The following ATRX variants were observed in gnomAD, a reference collection of about 807,000 sequenced individuals.
ATRX encodes ATRX chromatin remodeler, also known as chromatin remodeler ATRX.
Under a neutral mutation model 172.6 loss-of-function variants are expected in ATRX, and 12 were observed. The ratio of observed to expected loss-of-function variants is 0.07; its 90% CI spans 0.04 to 0.11. The LOEUF (loss-of-function observed/expected upper bound fraction) is 0.11. Among genes scored for constraint, ATRX ranks in the 10% least tolerant of loss-of-function variants. ATRX has a pLI of 1.00. For missense variants in ATRX, 1,368 were observed against 1,767.4 expected (o/e 0.77, Z 4.05); for synonymous variants, 674 against 594.7 (o/e 1.13, Z -1.94).
chrX:77,664,880 T>C, intron 10 of ATRX, 102 bp from the exon 11 acceptor site: 3 of 812,606 alleles, frequency 3.7e-6, no homozygotes, highest in East Asian at 3.4e-5. Context: ...TAGAAATAAA[T>C]GTGCCAATAG....
intron 10 of ATRX, among the ~76,000 whole-genome samples, chrX:77,669,283 G>A (rs986294656): frequency 1.8e-5 from 2 of 110,718 alleles, no homozygotes; most frequent in Admixed American, 1.9e-4. Flanking sequence ...GTATGCTAAT[G>A]AGTGCCTGGG....
At chrX:77,543,676 G>C (rs1557051942) in intron 30 of ATRX, among the ~76,000 whole-genome samples, 1 of 111,155 alleles carries the variant, frequency 9.0e-6, no homozygotes, top group Non-Finnish European at 1.9e-5. Context: ...GATGAAACTG[G>C]AAACCATCAT....
intron 30 of ATRX, among the ~76,000 whole-genome samples, chrX:77,526,200 G>A (rs1319103736): frequency 1.8e-5 from 2 of 111,746 alleles, no homozygotes; most frequent in Non-Finnish European, 3.8e-5. Flanking sequence ...CTGTTTTATT[G>A]AGATACAGTT....
chrX:77,713,761 T>C (rs1320913766), intron 2 of ATRX, among the ~76,000 whole-genome samples: 2 of 111,708 alleles, frequency 1.8e-5, no homozygotes, highest in African/African-American at 6.5e-5. Flanking sequence ...GAACCCATCA[T>C]AGGAATAAAT....
At chrX:77,785,306 T>C (rs1314175026) in intron 1 of ATRX, among the ~76,000 whole-genome samples, 2 of 110,753 alleles carry the variant, frequency 1.8e-5, no homozygotes, top group African/African-American at 6.6e-5. Flanking sequence ...TCACAAAAAG[T>C]AGTATACTAG....
intron 30 of ATRX, among the ~76,000 whole-genome samples, chrX:77,550,051 T>G (rs1198597439): frequency 8.9e-6 from 1 of 112,289 alleles, no homozygotes; most frequent in Non-Finnish European, 1.9e-5. Flanking sequence ...GATAGCAAAT[T>G]AAGAATCTAA....
intron 1 of ATRX, among the ~76,000 whole-genome samples, chrX:77,744,899 G>A (rs1205299218): frequency 9.1e-6 from 1 of 109,818 alleles, no homozygotes; most frequent in Non-Finnish European, 1.9e-5. Context: ...GGGAGGCTAA[G>A]GCAGGAGAAT....
At chrX:77,634,232 T>TAAAAAAAA (rs144290953) in intron 17 of ATRX, among the ~76,000 whole-genome samples, 5 of 54,067 alleles carry the variant, frequency 9.2e-5, no homozygotes, top group Admixed American at 2.8e-4. Context: ...TTAAAAGTTG[T>TAAAAAAAA]AAAAAAAAAA....
chrX:77,718,368 CTTTTTTT>C (rs543544690), intron 1 of ATRX, among the ~76,000 whole-genome samples: 1 of 89,396 alleles, frequency 1.1e-5, no homozygotes, highest in Non-Finnish European at 2.2e-5. Flanking sequence ...AGCATCAACT[CTTTTTTT>C]TTTTTTTTTT....
At chrX:77,583,769 A>G (rs1393829937) in intron 27 of ATRX, among the ~76,000 whole-genome samples, 1 of 111,795 alleles carries the variant, frequency 8.9e-6, no homozygotes, top group East Asian at 2.8e-4. Flanking sequence ...CACTTATTCA[A>G]CATAGTAGTG....
chrX:77,538,618 T>C (rs1189042189), intron 30 of ATRX, among the ~76,000 whole-genome samples: 1 of 111,580 alleles, frequency 9.0e-6, no homozygotes, highest in Non-Finnish European at 1.9e-5. Flanking sequence ...CCTAAATCTA[T>C]AAAAATAAAG....
chrX:77,600,425 C>T lies in ATRX; in HGVS notation c.5697+9G>A, dbSNP rs781963603. The T allele has an allele frequency of 1.2e-5, 15 of 1,209,294 alleles. No homozygotes were observed. The highest frequency in any genetic ancestry group is 1.2e-4 in the East Asian group (4 of 33,659). ...AATAGATGCTTTTAAACTAAGTTAC[C>T]TGACTTACCTTATTTTCTTTGCTAA... On this transcript the variant is annotated intron_variant, in intron 23 of 34. Coordinates refer to ENST00000373344, the MANE Select transcript of ATRX (RefSeq NM_000489.6).
intron 9 of ATRX, among the ~76,000 whole-genome samples, chrX:77,677,073 G>A (rs868939767): frequency 6.4e-4 from 68 of 106,127 alleles, no homozygotes; most frequent in South Asian, 4.2e-4. Context: ...AGTAAGCCAA[G>A]ATCGCACCAC....
In ATRX at chrX:77,741,624, G is replaced by A. The variant is rs373088332; in HGVS notation, c.21-24381C>T. On this transcript the variant is annotated intron_variant, in intron 1 of 34. Transcript: ENST00000373344. The stretch of plus-strand genomic sequence containing the variant: ...CTACAGGTGCGCGCCACCATGCCCA[G>A]CTAATTTTTGTATTTTTAGTAGAGA... 3.0e-4 allele frequency among the ~76,000 whole-genome samples: 33 copies of A among 110,573 alleles called. 1 individual carries two copies. The East Asian group carries it at 3.7e-3, about 12-fold the overall frequency.
chrX:77,637,160 T>C (rs1321946331), intron 15 of ATRX, among the ~76,000 whole-genome samples: 15 of 111,590 alleles, frequency 1.3e-4, no homozygotes, highest in African/African-American at 4.9e-4. Flanking sequence ...ACACTGTAAA[T>C]ACATGATGTG....
chrX:77,781,848 A>G (rs1173384095), intron 1 of ATRX, among the ~76,000 whole-genome samples: 1 of 112,116 alleles, frequency 8.9e-6, no homozygotes, highest in African/African-American at 3.2e-5. Flanking sequence ...AAATTCAAGA[A>G]TTGCCCGTAT....
At chrX:77,554,270 A>G (rs782500263) in intron 30 of ATRX, among the ~76,000 whole-genome samples, 1 of 110,908 alleles carries the variant, frequency 9.0e-6, no homozygotes, top group East Asian at 2.8e-4. Flanking sequence ...ATGCCGCTGC[A>G]CTCCAGCCTG....
chrX:77,608,389 CACAT>C (rs1347557571), intron 22 of ATRX, among the ~76,000 whole-genome samples: 3 of 103,421 alleles, frequency 2.9e-5, no homozygotes, highest in African/African-American at 1.1e-4. Flanking sequence ...AAAAAAAAGA[CACAT>C]AGGCCAATGA....
At chrX:77,744,520 G>A (rs192476851) in intron 1 of ATRX, among the ~76,000 whole-genome samples, 2 of 111,793 alleles carry the variant, frequency 1.8e-5, no homozygotes, top group African/African-American at 6.5e-5. Flanking sequence ...AAAGGAACAC[G>A]ATTCTGCAGC....
Sources: gnomAD v4.1 joint callset for allele counts (sites outside exome capture counted in the v4.1 genomes callset) on GRCh38, gnomAD v4.1.1 for gene constraint, MANE v1.5 for transcripts, NCBI Gene and HGNC (gene_info 2026-07-23, HGNC 2026-07-21) for gene names.